The following HEPH variants were observed in gnomAD, a reference collection of about 807,000 sequenced individuals.
The protein encoded by HEPH is hephaestin.
Under a neutral mutation model 80.8 loss-of-function variants are expected in HEPH, and 69 were observed. That is an observed-to-expected ratio of 0.85 (90% CI 0.70 to 1.04). The LOEUF (loss-of-function observed/expected upper bound fraction) is 1.04. Among genes scored for constraint, HEPH ranks in the 50% least tolerant of loss-of-function variants. HEPH has a pLI of 0.00. For missense variants in HEPH, 1,115 were observed against 891.3 expected, an observed-to-expected ratio of 1.25 and a Z score of -3.20; for synonymous variants, 431 against 322.8, an observed-to-expected ratio of 1.34 and a Z score of -3.60.
chrX:66,200,232 G>A (rs1238441056), intron 11 of HEPH, among the ~76,000 whole-genome samples: 1 of 90,505 alleles, frequency 1.1e-5, no homozygotes, highest in African/African-American at 4.5e-5. Context: ...ATAGGGAATA[G>A]GAGAGATTGG....
At chrX:66,235,658 T>G (rs181975990) in intron 15 of HEPH, among the ~76,000 whole-genome samples, 1 of 112,084 alleles carries the variant, frequency 8.9e-6, no homozygotes, top group African/African-American at 3.2e-5. Context: ...GCTTTGCTCT[T>G]TTTGCTTTGG....
intron 15 of HEPH, among the ~76,000 whole-genome samples, chrX:66,224,855 G>C (rs899270635): frequency 7.5e-5 from 8 of 106,910 alleles, no homozygotes; most frequent in South Asian, 4.1e-4. Context: ...CTCTCTCTCT[G>C]TCTCTGATTT....
Position 66,188,384 on chromosome X carries a change from T to G in HEPH, c.651T>G (p.Pro217=). 6 of 1,195,418 alleles carry G rather than the reference T, an allele frequency of 5.0e-6. No homozygotes were observed. Among genetic ancestry groups the G allele is most frequent in the Non-Finnish European group, 6.8e-6 (6 of 886,998 alleles). ...KRGALDGNSP[P]QRQDVDHDFF... The stretch of plus-strand genomic sequence containing the variant: ...GAGCCCTGGATGGGAACTCCCCTCC[T>G]CAACGCCAGGATGTAGACCATGATT... Residue 217 remains proline, a synonymous_variant, in exon 5 of 21, where the codon CCT becomes CCG. Transcript: ENST00000343002.
intron 15 of HEPH, among the ~76,000 whole-genome samples, chrX:66,215,188 A>G (rs2089333989): frequency 1.8e-5 from 2 of 111,677 alleles, no homozygotes; most frequent in African/African-American, 6.5e-5. Context: ...TAATCCATTA[A>G]TGCTTCTTAG....
chrX:66,202,707 T>C (rs2088526409), intron 12 of HEPH, among the ~76,000 whole-genome samples: 1 of 110,481 alleles, frequency 9.1e-6, no homozygotes, highest in Non-Finnish European at 1.9e-5. Flanking sequence ...TCAATGTTTT[T>C]CTTGGAATAA....
chrX:66,165,737 A>G (rs2086327064), intron 1 of HEPH, among the ~76,000 whole-genome samples: 1 of 111,870 alleles, frequency 8.9e-6, no homozygotes, highest in South Asian at 3.8e-4. Context: ...TAACTAAACT[A>G]TCCAAATAGC....
At chrX:66,176,887 C>T (rs1008531055) in intron 4 of HEPH, among the ~76,000 whole-genome samples, 1 of 111,375 alleles carries the variant, frequency 9.0e-6, no homozygotes, top group South Asian at 3.8e-4. Context: ...TAGGCAATAC[C>T]ATTCAGGACA....
At chrX:66,194,617 G>T (rs1352432123) in intron 8 of HEPH, among the ~76,000 whole-genome samples, 1 of 111,542 alleles carries the variant, frequency 9.0e-6, no homozygotes, top group African/African-American at 3.3e-5. Context: ...AATTCTCTTT[G>T]CTCAGAATTG....
At chrX:66,264,848 T>A (rs1452322354) in intron 20 of HEPH, among the ~76,000 whole-genome samples, 1 of 106,229 alleles carries the variant, frequency 9.4e-6, no homozygotes, top group Non-Finnish European at 1.9e-5. Context: ...TATTTAAATA[T>A]TTTATATATT....
At chrX:66,252,630 T>C (rs1387273214) in intron 15 of HEPH, among the ~76,000 whole-genome samples, 1 of 111,658 alleles carries the variant, frequency 9.0e-6, no homozygotes, top group Non-Finnish European at 1.9e-5. Flanking sequence ...TTTGGAAAGA[T>C]TAATATGGCA....
In HEPH at chrX:66,192,279, A is replaced by G. The variant is rs1169694245; in HGVS notation, c.1213A>G (p.Asn405Asp). 8.3e-7 allele frequency: 1 copy of G among 1,208,942 alleles called. No individual in the cohort carries two copies. The highest frequency in any genetic ancestry group is 3.0e-5 in the East Asian group (1 of 33,780). ...GGGGCATGATGGGAGTACTGGGAAG[A>G]ATTTGAGAGAGCCAGGCAGGTAAGA... ...PMGHDGSTGK[N>D]LREPGSISDK... The change falls in exon 7 of 21, where the codon AAT becomes GAT. Residue 405 changes from asparagine (N) to aspartate (D), a missense_variant. Physicochemically the swap from Asn to Asp is conservative, Grantham distance 23 (BLOSUM62 1). Around this residue, in one of 3 missense-constraint regions of HEPH, gnomAD observed 391 missense variants for 343.6 expected, o/e 1.14. Transcript: ENST00000343002.
intron 3 of HEPH, 60 bp from the exon 4 acceptor site, chrX:66,173,529 A>C: frequency 3.5e-6 from 3 of 852,153 alleles, no homozygotes; most frequent in Non-Finnish European, 5.1e-6. Context: ...GTCTTAATTT[A>C]TGTATTTGCC....
At chrX:66,205,757 A>G (rs956098524) in intron 13 of HEPH, among the ~76,000 whole-genome samples, 2 of 110,197 alleles carry the variant, frequency 1.8e-5, no homozygotes, top group Admixed American at 9.7e-5. Flanking sequence ...TGCCACACCC[A>G]TATATTGCCC....
chrX:66,192,144 C>G lies in HEPH; in HGVS notation c.1078C>G (p.Leu360Val). 1 of 1,207,264 alleles carries G rather than the reference C, an allele frequency of 8.3e-7. No individual in the cohort carries two copies. Among genetic ancestry groups the G allele is most frequent in the Non-Finnish European group, 1.1e-6 (1 of 893,340 alleles). ...NSHFRDGMQA[L>V]YKVKSCSMAP... ...TCTTCCTTCAGATGGCATGCAGGCA[C>G]TCTACAAGGTCAAGTCTTGCTCCAT... The change falls in exon 7 of 21, where the codon CTC becomes GTC. Residue 360 changes from leucine to valine, a missense_variant. This residue lies in a region of HEPH where 391 missense variants were observed against 343.6 expected (regional missense o/e 1.14). Transcript: ENST00000343002.
At chrX:66,191,128 A>G (rs187703561) in intron 6 of HEPH, among the ~76,000 whole-genome samples, 3 of 111,908 alleles carry the variant, frequency 2.7e-5, no homozygotes, top group African/African-American at 6.5e-5. Context: ...AATAAAATGA[A>G]CAATTAAGAT....
intron 15 of HEPH, among the ~76,000 whole-genome samples, chrX:66,245,344 A>T (rs1602504298): frequency 9.0e-6 from 1 of 111,587 alleles, no homozygotes; most frequent in East Asian, 2.8e-4. Context: ...TCTCTGATAA[A>T]ACAGACTTTC....
intron 12 of HEPH, among the ~76,000 whole-genome samples, chrX:66,202,728 A>G (rs1194401012): frequency 9.1e-6 from 1 of 110,270 alleles, no homozygotes; most frequent in Non-Finnish European, 1.9e-5. Context: ...GAATTATTAC[A>G]GCTATATTTA....
chrX:66,254,042 A>G (rs909033568), intron 15 of HEPH, among the ~76,000 whole-genome samples: 1 of 111,500 alleles, frequency 9.0e-6, no homozygotes, highest in Non-Finnish European at 1.9e-5. Flanking sequence ...CTGGTAATAT[A>G]CTAAAAACAT....
chrX:66,206,150 T>G, intron 13 of HEPH, among the ~76,000 whole-genome samples: 1 of 110,297 alleles, frequency 9.1e-6, no homozygotes. Flanking sequence ...TCCTTTGCCC[T>G]CTGGTTGCAG....
Sources: gnomAD v4.1 joint callset for allele counts (sites outside exome capture counted in the v4.1 genomes callset) on GRCh38, gnomAD v4.1.1 for gene constraint, gnomAD v4.1.1 regional missense constraint, MANE v1.5 for transcripts, NCBI Gene and HGNC (gene_info 2026-07-23, HGNC 2026-07-21) for gene names.